The following SMPD3 variants were observed in gnomAD, a reference collection of about 807,000 sequenced individuals.
The protein encoded by SMPD3 is sphingomyelin phosphodiesterase 3.
In SMPD3, 21 loss-of-function variants were observed where a neutral mutation model predicts 55.7. The observed-to-expected ratio is 0.38, with a 90% CI of 0.27 to 0.54. The LOEUF is 0.54. SMPD3 is among the 20% of genes least tolerant of loss of function. The probability of loss-of-function intolerance (pLI) is 0.80; values close to 1 mark genes in which losing one functional copy is unlikely to be tolerated. For missense variants in SMPD3, 842 were observed against 899.6 expected (o/e 0.94, Z 0.82); for synonymous variants, 457 against 404.3 (o/e 1.13, Z -1.56).
intron 2 of SMPD3, 89 bp downstream of exon 2, chr16:68,386,509 T>C (rs1040762672): frequency 2.0e-5 from 3 of 152,164 alleles, no homozygotes; most frequent in African/African-American, 7.2e-5. Flanking sequence ...TTTATAAAAA[T>C]ACTAACAAGT....
At chr16:68,366,366 C>T (rs1366149474) in intron 3 of SMPD3, among the ~76,000 whole-genome samples, 1 of 152,232 alleles carries the variant, frequency 6.6e-6, no homozygotes, top group Admixed American at 6.5e-5. Context: ...CCTTCCCAGC[C>T]CTAATGCACA....
intron 1 of SMPD3, among the ~76,000 whole-genome samples, chr16:68,409,294 G>GA (rs1313320404): frequency 6.6e-6 from 1 of 152,202 alleles, no homozygotes. Flanking sequence ...GGGATGTGGG[G>GA]AGGGGGTGCA....
chr16:68,361,066 C>T lies in SMPD3; in HGVS notation c.*140G>A. ...CAGAGGCGCAGAGCAGCGCAGCTTC[C>T]AGGTTCCCGGGCACTGACTGTGGCT... is the stretch of plus-strand genomic sequence containing the variant. On this transcript the variant is annotated 3_prime_UTR_variant, in exon 9 of 9. Coordinates refer to ENST00000219334, the MANE Select transcript of SMPD3 (RefSeq NM_018667.4). The T allele has an allele frequency of 2.7e-6, 2 of 753,590 alleles. No individual in the cohort carries two copies. Among genetic ancestry groups the T allele is most frequent in the Non-Finnish European group, 4.2e-6 (2 of 470,828 alleles). The allele number at this position is 753,590 out of a possible 1,614,324, so 46.7% of individuals were successfully genotyped here.
Position 68,372,313 on chromosome 16 carries a change from G to A in SMPD3, c.-132C>T, listed in dbSNP as rs1487067261. On this transcript the variant is annotated 5_prime_UTR_variant, in exon 3 of 9. Coordinates refer to ENST00000219334, the MANE Select transcript of SMPD3 (RefSeq NM_018667.4). ...TCACCTCCTGGCGAGATGCAACTCC[G>A]GCTGGTCAATGGCGAATGTTGGCCA... The A allele has an allele frequency of 1.2e-5, 15 of 1,228,934 alleles. No homozygotes were observed. Among genetic ancestry groups the A allele is most frequent in the African/African-American group, 6.0e-5 (4 of 66,708 alleles). 76.1% of individuals were successfully genotyped at this position (1,228,934 alleles called of 1,614,324 possible).
intron 1 of SMPD3, among the ~76,000 whole-genome samples, chr16:68,415,573 C>T (rs538232161): frequency 6.6e-6 from 1 of 152,238 alleles, no homozygotes; most frequent in South Asian, 2.1e-4. Context: ...CTTCCAGTAC[C>T]TTTTAAATTT....
intron 1 of SMPD3, among the ~76,000 whole-genome samples, chr16:68,388,465 A>AG (rs2152002937): frequency 6.6e-6 from 1 of 152,292 alleles, no homozygotes; most frequent in East Asian, 1.9e-4. Context: ...GACATAAAGG[A>AG]GGCAGGCCAC....
At position 68,447,681 on chromosome 16, in the gene SMPD3, A is replaced by T. The variant is rs2090621199; in HGVS notation, c.-269+672T>A. ...GGGTCTCCCAGCGTTTCCCTGCCAC[A>T]TTCCAATTCCACCCTTCACCAGTAA... On this transcript the variant is annotated intron_variant, in intron 1 of 8. Coordinates refer to ENST00000219334, the MANE Select transcript of SMPD3 (RefSeq NM_018667.4). This position sits in a 1 kb window ranked among gnomAD's most constrained non-coding sequence, Gnocchi z 5.1. Among the ~76,000 whole-genome samples the T allele has an allele frequency of 6.6e-6, 1 of 151,726 alleles. No individual in the cohort carries two copies. The highest frequency in any genetic ancestry group is 2.4e-5 in the African/African-American group (1 of 41,232).
chr16:68,374,221 CCCA>C (rs1445611185), intron 2 of SMPD3, among the ~76,000 whole-genome samples: 3 of 152,212 alleles, frequency 2.0e-5, no homozygotes, highest in Non-Finnish European at 4.4e-5. Flanking sequence ...CAGCTGTTTT[CCCA>C]CCAACCCGAG....
intron 1 of SMPD3, among the ~76,000 whole-genome samples, chr16:68,428,886 T>C (rs2090458378): frequency 6.6e-6 from 1 of 152,184 alleles, no homozygotes; most frequent in South Asian, 2.1e-4. Context: ...TGGGTTCTGC[T>C]GTCTAGGAAC....
intron 5 of SMPD3, among the ~76,000 whole-genome samples, chr16:68,364,174 G>A (rs1245412218): frequency 2.6e-5 from 4 of 151,990 alleles, no homozygotes; most frequent in Admixed American, 1.3e-4. Flanking sequence ...TGTGGTCATC[G>A]GATCCACAGA....
chr16:68,412,804 A>G (rs1416468184), intron 1 of SMPD3, among the ~76,000 whole-genome samples: 6 of 152,184 alleles, frequency 3.9e-5, no homozygotes, highest in African/African-American at 1.4e-4. Flanking sequence ...ATAATATTCC[A>G]TCTTCATTGC....
chr16:68,393,545 G>T (rs1006193278), intron 1 of SMPD3, among the ~76,000 whole-genome samples: 2 of 152,146 alleles, frequency 1.3e-5, no homozygotes, highest in African/African-American at 4.8e-5. Flanking sequence ...GTGGTGTTGG[G>T]GGACATTTGC....
At chr16:68,413,631 C>T (rs1567804591) in intron 1 of SMPD3, among the ~76,000 whole-genome samples, 2 of 152,176 alleles carry the variant, frequency 1.3e-5, no homozygotes, top group Non-Finnish European at 2.9e-5. Context: ...CCAGGCTAGT[C>T]ATGAAAACGT....
At position 68,447,742 on chromosome 16, in the gene SMPD3, C is replaced by T. The variant is rs973046564; in HGVS notation, c.-269+611G>A. Among the ~76,000 whole-genome samples the T allele has an allele frequency of 3.3e-5, 5 of 151,908 alleles. No homozygotes were observed. The highest frequency in any genetic ancestry group is 3.3e-4 in the Admixed American group (5 of 15,274). ...TCCAAGTGGGAGGGGTAAGAGTCCT[C>T]TGTCTCTTCCACATCCTCGATCCTC... is the stretch of plus-strand genomic sequence containing the variant. On this transcript the variant is annotated intron_variant, in intron 1 of 8. Coordinates refer to ENST00000219334, the MANE Select transcript of SMPD3 (RefSeq NM_018667.4). This position sits in a 1 kb window ranked among gnomAD's most constrained non-coding sequence, Gnocchi z 5.1.
At chr16:68,381,739 T>C (rs892545305) in intron 2 of SMPD3, among the ~76,000 whole-genome samples, 5 of 152,122 alleles carry the variant, frequency 3.3e-5, no homozygotes, top group African/African-American at 1.2e-4. Flanking sequence ...CTAACCCACA[T>C]GTAGTGTGGG....
At chr16:68,370,829 T>C (rs575172578) in intron 3 of SMPD3, 30 bp downstream of exon 3, 2 of 1,610,550 alleles carry the variant, frequency 1.2e-6, no homozygotes, top group South Asian at 1.1e-5. Context: ...AGCTGGCACG[T>C]GGTCCTCAGG....
chr16:68,441,527 T>G (rs185574191), intron 1 of SMPD3, among the ~76,000 whole-genome samples: 1 of 152,130 alleles, frequency 6.6e-6, no homozygotes, highest in Non-Finnish European at 1.5e-5. Flanking sequence ...TTACTTAATA[T>G]ATCTAAAATA....
At chr16:68,406,826 C>T (rs750926529) in intron 1 of SMPD3, among the ~76,000 whole-genome samples, 4 of 152,134 alleles carry the variant, frequency 2.6e-5, no homozygotes, top group Admixed American at 6.5e-5. Flanking sequence ...GGAAGCTCAC[C>T]GTAGCGTGGA....
chr16:68,432,237 T>C (rs2090486381), intron 1 of SMPD3, among the ~76,000 whole-genome samples: 1 of 152,196 alleles, frequency 6.6e-6, no homozygotes, highest in African/African-American at 2.4e-5. Context: ...TTACGTGACT[T>C]GTTAGAGGAC....
Sources: gnomAD v4.1 joint callset for allele counts (sites outside exome capture counted in the v4.1 genomes callset) on GRCh38, gnomAD v4.1.1 for gene constraint, Gnocchi (gnomAD v3.1) non-coding constraint, MANE v1.5 for transcripts, NCBI Gene and HGNC (gene_info 2026-07-23, HGNC 2026-07-21) for gene names.